CDIN1: variants seen among roughly 807,000 people sequenced by gnomAD.
CDIN1 encodes CDAN1-interacting nuclease 1.
In CDIN1, 33 loss-of-function variants were observed where a neutral mutation model predicts 45.3. The ratio of observed to expected loss-of-function variants is 0.73; its 90% CI spans 0.55 to 0.97. The LOEUF (loss-of-function observed/expected upper bound fraction) is 0.97, where lower values mean the gene tolerates loss of function less well. CDIN1 is among the 50% of genes least tolerant of loss of function. The probability of loss-of-function intolerance (pLI) is 0.00; values close to 1 mark genes in which losing one functional copy is unlikely to be tolerated. For missense variants in CDIN1, 303 were observed against 339.4 expected (o/e 0.89, Z 0.84); for synonymous variants, 118 against 124.4 (o/e 0.95, Z 0.34).
chr15:36,798,048 T>C (rs1287383656), intron 10 of CDIN1, among the ~76,000 whole-genome samples: 1 of 133,674 alleles, frequency 7.5e-6, no homozygotes, highest in African/African-American at 2.8e-5. Flanking sequence ...AAAAAAAAAA[T>C]TATTTTCCAA....
intron 1 of CDIN1, among the ~76,000 whole-genome samples, chr15:36,608,643 A>G (rs1282371119): frequency 6.6e-6 from 1 of 151,434 alleles, no homozygotes; most frequent in Non-Finnish European, 1.5e-5. Flanking sequence ...GGTGTCCTTG[A>G]GTTATTCTTT....
chr15:36,621,864 C>G (rs1177158054), intron 1 of CDIN1, among the ~76,000 whole-genome samples: 1 of 124,238 alleles, frequency 8.0e-6, no homozygotes, highest in Non-Finnish European at 1.7e-5. Context: ...GACCTGACAA[C>G]AAGTTCAGTT....
intron 1 of CDIN1, among the ~76,000 whole-genome samples, chr15:36,629,739 A>C (rs146884066): frequency 5.3e-5 from 8 of 152,276 alleles, no homozygotes; most frequent in African/African-American, 1.9e-4. Flanking sequence ...AAAGCCAAAC[A>C]AATTATTGAA....
chr15:36,792,214 T>TGG (rs2054663396), intron 10 of CDIN1, among the ~76,000 whole-genome samples: 1 of 152,174 alleles, frequency 6.6e-6, no homozygotes, highest in South Asian at 2.1e-4. Flanking sequence ...GGTGGCTCTA[T>TGG]GGGGCCATCT....
intron 9 of CDIN1, 77 bp downstream of exon 9, chr15:36,709,365 A>G: frequency 9.2e-7 from 1 of 1,085,568 alleles, no homozygotes; most frequent in Non-Finnish European, 1.3e-6. Context: ...TGTTAATATT[A>G]GCTTTATAAT....
At chr15:36,699,867 G>A (rs112883931) in intron 8 of CDIN1, among the ~76,000 whole-genome samples, 1 of 152,098 alleles carries the variant, frequency 6.6e-6, no homozygotes, top group African/African-American at 2.4e-5. Flanking sequence ...TGTACTGATA[G>A]GAGTTCATCC....
chr15:36,629,904 G>A (rs62002292), intron 1 of CDIN1, among the ~76,000 whole-genome samples: 8 of 152,038 alleles, frequency 5.3e-5, no homozygotes, highest in Admixed American at 4.6e-4. Context: ...TTTTGTATAT[G>A]TGCATACATA....
intron 1 of CDIN1, among the ~76,000 whole-genome samples, chr15:36,598,657 C>G (rs1049169927): frequency 2.0e-5 from 3 of 152,036 alleles, no homozygotes; most frequent in Non-Finnish European, 4.4e-5. Context: ...CACGTCTAAT[C>G]TATTTCCCTC....
In CDIN1 at chr15:36,654,127, C is replaced by G; in HGVS notation, c.242C>G (p.Ala81Gly). The G allele has an allele frequency of 6.3e-7, 1 of 1,578,474 alleles. No homozygotes were observed. The highest frequency in any genetic ancestry group is 8.6e-7 in the Non-Finnish European group (1 of 1,159,850). ...RYLNGVVKNG[A>G]APVLLDLANE... is the part of the protein sequence containing the mutation. Reference sequence around the variant, plus strand: ...CTGAATGGAGTGGTGAAAAATGGAGCTGCCCCAGTGCTCCTGGACCTGGCC... The same window carrying G: ...CTGAATGGAGTGGTGAAAAATGGAGGTGCCCCAGTGCTCCTGGACCTGGCC... Residue 81 changes from alanine (A) to glycine (G), a missense_variant, in exon 4 of 11, where the codon GCT becomes GGT. Transcript: ENST00000566621.
intron 5 of CDIN1, among the ~76,000 whole-genome samples, chr15:36,678,783 A>G (rs549505273): frequency 6.6e-6 from 1 of 152,318 alleles, no homozygotes; most frequent in East Asian, 1.9e-4. Flanking sequence ...AGTGCAGCCT[A>G]ATCAAAAGGC....
chr15:36,628,910 A>G (rs1013244194), intron 1 of CDIN1, among the ~76,000 whole-genome samples: 6 of 152,178 alleles, frequency 3.9e-5, no homozygotes, highest in Non-Finnish European at 5.9e-5. Context: ...GAGAAGAGCA[A>G]GGTAGAGGAA....
At chr15:36,716,394 G>A (rs1386793653) in intron 10 of CDIN1, among the ~76,000 whole-genome samples, 2 of 152,092 alleles carry the variant, frequency 1.3e-5, no homozygotes, top group African/African-American at 2.4e-5. Context: ...GAGGGTAAGG[G>A]AAAAATAAAT....
intron 10 of CDIN1, among the ~76,000 whole-genome samples, chr15:36,784,968 T>C (rs1377464266): frequency 6.6e-6 from 1 of 152,168 alleles, no homozygotes; most frequent in Admixed American, 6.5e-5. Flanking sequence ...TACTGTTAAC[T>C]TAAGTGGACC....
intron 10 of CDIN1, among the ~76,000 whole-genome samples, chr15:36,794,666 C>T (rs1328968792): frequency 6.6e-6 from 1 of 152,108 alleles, no homozygotes; most frequent in African/African-American, 2.4e-5. Flanking sequence ...TTCCATTGTA[C>T]ATGTATATTA....
intron 5 of CDIN1, among the ~76,000 whole-genome samples, chr15:36,675,825 T>C (rs1279237480): frequency 6.6e-6 from 1 of 152,160 alleles, no homozygotes; most frequent in African/African-American, 2.4e-5. Context: ...CAAGAGAATC[T>C]TGAAACCGCT....
intron 10 of CDIN1, among the ~76,000 whole-genome samples, chr15:36,722,985 GTT>G (rs1555400423): frequency 8.4e-6 from 1 of 119,074 alleles, no homozygotes; most frequent in Non-Finnish European, 2.0e-5. Context: ...GTGTGTGTGT[GTT>G]TCTCTCTCCC....
chr15:36,678,161 T>G (rs1184854287), intron 5 of CDIN1, among the ~76,000 whole-genome samples: 2 of 152,220 alleles, frequency 1.3e-5, no homozygotes, highest in African/African-American at 4.8e-5. Flanking sequence ...GAGATCAAAC[T>G]GCTTTAGATT....
intron 5 of CDIN1, among the ~76,000 whole-genome samples, chr15:36,677,105 T>C (rs754624735): frequency 3.3e-5 from 5 of 152,196 alleles, no homozygotes; most frequent in African/African-American, 4.8e-5. Flanking sequence ...TAAATGTATT[T>C]ATTCAGCAGT....
chr15:36,751,734 C>T (rs367680162), intron 10 of CDIN1, among the ~76,000 whole-genome samples: 90 of 152,048 alleles, frequency 5.9e-4, no homozygotes, highest in African/African-American at 1.9e-3. Flanking sequence ...ATAGCAAAGA[C>T]GTGGAATCAA....
Sources: gnomAD v4.1 joint callset for allele counts (sites outside exome capture counted in the v4.1 genomes callset) on GRCh38, gnomAD v4.1.1 for gene constraint, MANE v1.5 for transcripts, NCBI Gene and HGNC (gene_info 2026-07-23, HGNC 2026-07-21) for gene names.